The following NRXN1 variants were observed in gnomAD, a reference collection of about 807,000 sequenced individuals.
The protein encoded by NRXN1 is neurexin-1.
Under a neutral mutation model 150.9 loss-of-function variants are expected in NRXN1, and 39 were observed. The ratio of observed to expected loss-of-function variants is 0.26; its 90% confidence interval spans 0.20 to 0.34. The LOEUF is 0.34. Ranked by LOEUF, NRXN1 falls within the 10% of genes least tolerant of loss-of-function variation. The pLI, the probability that NRXN1 is intolerant of heterozygous loss-of-function variation, is 1.00. For missense variants in NRXN1, 1,815 were observed against 1,949.9 expected, an observed-to-expected ratio of 0.93 and a Z score of 1.30; for synonymous variants, 924 against 757.0, an observed-to-expected ratio of 1.22 and a Z score of -3.62.
intron 17 of NRXN1, among the ~76,000 whole-genome samples, chr2:50,305,826 T>TA (rs2074562738): frequency 6.6e-6 from 1 of 152,248 alleles, no homozygotes; most frequent in African/African-American, 2.4e-5. Context: ...TTGGGAGTTA[T>TA]AAAGAAGGTA....
intron 2 of NRXN1, among the ~76,000 whole-genome samples, chr2:50,968,079 T>C (rs901430692): frequency 6.6e-6 from 1 of 152,030 alleles, no homozygotes; most frequent in East Asian, 1.9e-4. Flanking sequence ...CTAATACTGT[T>C]AATAATAAAT....
Position 50,552,897 on chromosome 2 carries a change from G to C in NRXN1, c.1449C>G (p.Thr483=). Residue 483 remains threonine (T), a synonymous_variant, in exon 9 of 23, where the codon ACC becomes ACG. Transcript: ENST00000401669. The part of the protein sequence containing the change: ...CENVATLDPI[T]FETPESFISL... ...AGATGAAAGACTCTGGGGTTTCAAA[G>C]GTGATTGGGTCTAAAGTTGCAACAT... is the stretch of plus-strand genomic sequence containing the variant. 1 of 1,613,930 alleles carries C rather than the reference G, an allele frequency of 6.2e-7. No homozygotes were observed. The highest frequency in any genetic ancestry group is 8.5e-7 in the Non-Finnish European group (1 of 1,179,840).
At chr2:50,215,655 A>T (rs192619002) in intron 18 of NRXN1, among the ~76,000 whole-genome samples, 1,616 of 152,206 alleles carry the variant, frequency 0.011, 35 homozygotes, top group African/African-American at 0.037. Flanking sequence ...AAGTTGTTTT[A>T]AAAAGATTAT....
chr2:50,725,753 T>C (rs369332912), intron 5 of NRXN1, among the ~76,000 whole-genome samples: 25 of 152,270 alleles, frequency 1.6e-4, no homozygotes, highest in South Asian at 4.1e-4. Flanking sequence ...GTTTAGAAGA[T>C]AGACTTTATT....
At chr2:50,683,631 C>CAA (rs745831100) in intron 5 of NRXN1, among the ~76,000 whole-genome samples, 18 of 8,512 alleles carry the variant, frequency 2.1e-3, no homozygotes, top group East Asian at 8.8e-3. Flanking sequence ...GACTCCGTCT[C>CAA]AAAAAAAAAA....
intron 18 of NRXN1, among the ~76,000 whole-genome samples, chr2:50,197,429 C>G (rs1404421420): frequency 6.6e-6 from 1 of 152,130 alleles, no homozygotes; most frequent in Admixed American, 6.6e-5. Context: ...AAGCAACTTT[C>G]TGCTCGAAAT....
chr2:50,401,325 T>C (rs1013267819), intron 17 of NRXN1, among the ~76,000 whole-genome samples: 4 of 152,130 alleles, frequency 2.6e-5, no homozygotes, highest in African/African-American at 9.7e-5. Context: ...ATATCACTAA[T>C]GGTTTGAAAA....
chr2:50,694,522 TTCTAAG>T (rs1423492045), intron 5 of NRXN1, among the ~76,000 whole-genome samples: 1 of 152,196 alleles, frequency 6.6e-6, no homozygotes, highest in Admixed American at 6.5e-5. Flanking sequence ...AAATAATTAT[TTCTAAG>T]TCTGAGGATT....
At chr2:50,628,805 T>C (rs1024692432) in intron 5 of NRXN1, among the ~76,000 whole-genome samples, 5 of 151,494 alleles carry the variant, frequency 3.3e-5, no homozygotes, top group African/African-American at 9.7e-5. Flanking sequence ...AGAGACCTCT[T>C]ACAAATCAAT....
At chr2:50,615,887 T>C (rs1291727654) in intron 8 of NRXN1, 1 of 152,162 alleles carries the variant, frequency 6.6e-6, no homozygotes, top group African/African-American at 2.4e-5. Context: ...CGAAAATTCT[T>C]AAGCAACATA....
chr2:50,582,391 G>A (rs1449081917), intron 8 of NRXN1, among the ~76,000 whole-genome samples: 3 of 148,310 alleles, frequency 2.0e-5, no homozygotes, highest in Non-Finnish European at 4.4e-5. Flanking sequence ...TGATGTGGGA[G>A]GTTCGCTTGA....
intron 21 of NRXN1, among the ~76,000 whole-genome samples, chr2:49,947,402 C>T (rs1402735906): frequency 6.6e-6 from 1 of 151,848 alleles, no homozygotes; most frequent in Non-Finnish European, 1.5e-5. Flanking sequence ...TATTTGAGGT[C>T]ACAATTGGAA....
At chr2:50,711,918 C>T (rs1212814646) in intron 5 of NRXN1, among the ~76,000 whole-genome samples, 1 of 152,056 alleles carries the variant, frequency 6.6e-6, no homozygotes, top group African/African-American at 2.4e-5. Flanking sequence ...CACCAGACAC[C>T]AGACGCCGGC....
chr2:49,962,781 C>T (rs1188178311), intron 21 of NRXN1, among the ~76,000 whole-genome samples: 1 of 151,918 alleles, frequency 6.6e-6, no homozygotes, highest in Non-Finnish European at 1.5e-5. Context: ...GGTGAAACCT[C>T]GTCTTTACTA....
chr2:50,444,043 C>T (rs1031365588), intron 17 of NRXN1, among the ~76,000 whole-genome samples: 4 of 152,082 alleles, frequency 2.6e-5, no homozygotes, highest in African/African-American at 4.8e-5. Context: ...TAACCACAAC[C>T]TGTTCATCAA....
In NRXN1 at chr2:50,433,951, C is replaced by T. The variant is rs2085195027; in HGVS notation, c.3364+31491G>A. 2.0e-5 allele frequency among the ~76,000 whole-genome samples: 3 copies of T among 151,880 alleles called. No homozygotes were observed. The South Asian group carries it at 6.2e-4, about 32-fold the overall frequency. ...AACTGAACAAGCTGCTCTTTCACTC[C>T]CCTGACAATATTTATGTTTCACTTA... On this transcript the variant is annotated intron_variant, in intron 17 of 22. Transcript: ENST00000401669.
At chr2:50,212,320 T>C (rs1283365363) in intron 18 of NRXN1, among the ~76,000 whole-genome samples, 1 of 146,242 alleles carries the variant, frequency 6.8e-6, no homozygotes, top group East Asian at 2.0e-4. Flanking sequence ...AAAAAATGGG[T>C]TTGCCTAGAA....
At chr2:50,203,413 AG>A (rs1016195852) in intron 18 of NRXN1, among the ~76,000 whole-genome samples, 2 of 152,140 alleles carry the variant, frequency 1.3e-5, no homozygotes, top group East Asian at 1.9e-4. Flanking sequence ...TTTTTGTACA[AG>A]GGTCCATGTT....
chr2:50,057,362 C>A (rs1200610621), intron 19 of NRXN1, among the ~76,000 whole-genome samples: 1 of 152,174 alleles, frequency 6.6e-6, no homozygotes, highest in Admixed American at 6.6e-5. Flanking sequence ...TCATCTCTAT[C>A]TTTCATTAGC....
Sources: gnomAD v4.1 joint callset for allele counts (sites outside exome capture counted in the v4.1 genomes callset) on GRCh38, gnomAD v4.1.1 for gene constraint, MANE v1.5 for transcripts, NCBI Gene and HGNC (gene_info 2026-07-23, HGNC 2026-07-21) for gene names.